Variants in GKAP1 observed in about 807,000 individuals in gnomAD.
GKAP1 encodes G kinase-anchoring protein 1.
GKAP1 carries 31 observed loss-of-function variants against 56.7 expected under a neutral mutation model. The observed-to-expected ratio is 0.55, with a 90% CI of 0.41 to 0.74. The LOEUF (loss-of-function observed/expected upper bound fraction) is 0.74, where lower values mean the gene tolerates loss of function less well. Ranked by LOEUF, GKAP1 falls within the 30% of genes least tolerant of loss-of-function variation. The probability of loss-of-function intolerance (pLI) is 0.00; values close to 1 mark genes in which losing one functional copy is unlikely to be tolerated. For synonymous variants in GKAP1, 151 were observed against 138.6 expected, an observed-to-expected ratio of 1.09 and a Z score of -0.63; for missense variants, 364 against 402.3, an observed-to-expected ratio of 0.90 and a Z score of 0.82.
intron 4 of GKAP1, among the ~76,000 whole-genome samples, chr9:83,791,567 A>G (rs1419169795): frequency 6.6e-6 from 1 of 152,240 alleles, no homozygotes; most frequent in Non-Finnish European, 1.5e-5. Flanking sequence ...TTAAATTTAA[A>G]TTTTTGAAAA....
chr9:83,809,601 A>G (rs1944481143), intron 2 of GKAP1, among the ~76,000 whole-genome samples: 2 of 152,256 alleles, frequency 1.3e-5, no homozygotes, highest in Admixed American at 1.3e-4. Flanking sequence ...CTAGTGAGCA[A>G]GGTTTCCTTA....
rs753727864 is a variant in GKAP1, at chr9:83,739,764, T to C, written c.1054-20A>G. On this transcript the variant is annotated intron_variant, in intron 12 of 12. Transcript: ENST00000376371. ...GCCACCCTGTAAAAAAAAAAAAAAA[T>C]AGGGAAAATTATTTACAACATACCA... 2.2e-6 allele frequency: 3 copies of C among 1,344,146 alleles called. No homozygotes were observed. The highest frequency in any genetic ancestry group is 1.9e-5 in the Admixed American group (1 of 51,480). 83.3% of individuals were successfully genotyped at this position (1,344,146 alleles called of 1,614,324 possible). A position where few individuals can be genotyped will look rare whatever the true frequency, so the allele number is the denominator to read the frequency against.
intron 7 of GKAP1, among the ~76,000 whole-genome samples, chr9:83,771,632 C>G (rs1943763608): frequency 6.6e-6 from 1 of 152,120 alleles, no homozygotes; most frequent in Non-Finnish European, 1.5e-5. Flanking sequence ...AGTTGATGAG[C>G]AAGTATTATT....
intron 4 of GKAP1, among the ~76,000 whole-genome samples, chr9:83,795,306 G>A (rs1944226633): frequency 6.6e-6 from 1 of 151,552 alleles, no homozygotes; most frequent in South Asian, 2.1e-4. Context: ...TTTCAATTAA[G>A]AAACATACAC....
chr9:83,763,369 T>C (rs1943607313), intron 8 of GKAP1, among the ~76,000 whole-genome samples: 1 of 152,164 alleles, frequency 6.6e-6, no homozygotes, highest in South Asian at 2.1e-4. Context: ...ACCTAGTATT[T>C]GATAGCACAA....
At chr9:83,815,482 G>A (rs977524094) in intron 2 of GKAP1, among the ~76,000 whole-genome samples, 1 of 151,708 alleles carries the variant, frequency 6.6e-6, no homozygotes, top group Non-Finnish European at 1.5e-5. Context: ...TTGCCATTAT[G>A]ACCTTATCCC....
chr9:83,748,119 T>C (rs1026311080), intron 10 of GKAP1, among the ~76,000 whole-genome samples, 190 bp downstream of exon 10: 2 of 152,212 alleles, frequency 1.3e-5, no homozygotes, highest in African/African-American at 4.8e-5. Context: ...CATTTATCAT[T>C]TCTTTGTGTT....
chr9:83,788,534 G>A lies in GKAP1; in HGVS notation c.438+67C>T, dbSNP rs1944101810. On this transcript the variant is annotated intron_variant, in intron 5 of 12. Coordinates refer to ENST00000376371, the MANE Select transcript of GKAP1 (RefSeq NM_025211.4). ...CAGAAAAATTTTATGTAAAATTCAA[G>A]TAGGTTGATTTTAACCTCTCACCAC... The A allele has an allele frequency of 4.7e-6, 4 of 853,054 alleles. 1 individual carries two copies. The South Asian group carries it at 5.2e-5, about 11-fold the overall frequency. 52.8% of individuals were successfully genotyped at this position (853,054 alleles called of 1,614,324 possible).
intron 7 of GKAP1, among the ~76,000 whole-genome samples, chr9:83,776,343 A>G (rs1385096087): frequency 2.0e-5 from 3 of 152,236 alleles, no homozygotes; most frequent in African/African-American, 7.2e-5. Context: ...AGATTTATTT[A>G]AAGCTAGATT....
chr9:83,793,535 TGTC>T (rs1346718956), intron 4 of GKAP1, among the ~76,000 whole-genome samples: 16 of 152,256 alleles, frequency 1.1e-4, no homozygotes, highest in African/African-American at 3.9e-4. Flanking sequence ...TGTATTTTTA[TGTC>T]TTCTGAGTGC....
intron 9 of GKAP1, among the ~76,000 whole-genome samples, chr9:83,752,227 C>A (rs1049711182): frequency 4.6e-5 from 7 of 152,104 alleles, no homozygotes; most frequent in Admixed American, 1.3e-4. Flanking sequence ...CATAGTGAAA[C>A]CCCGTCTCTA....
At chr9:83,740,709 A>G (rs1009587007) in intron 12 of GKAP1, among the ~76,000 whole-genome samples, 3 of 152,150 alleles carry the variant, frequency 2.0e-5, no homozygotes, top group African/African-American at 7.2e-5. Flanking sequence ...AAGTGATTCC[A>G]ATGATCAGCC....
At chr9:83,765,883 T>G (rs1943655128) in intron 8 of GKAP1, among the ~76,000 whole-genome samples, 1 of 152,192 alleles carries the variant, frequency 6.6e-6, no homozygotes, top group Admixed American at 6.5e-5. Context: ...CAGATGAAAC[T>G]TTAGACTTGG....
rs550375046 is a variant in GKAP1, at chr9:83,804,440, G to A, written c.216+1862C>T. On this transcript the variant is annotated intron_variant, in intron 3 of 12. Transcript: ENST00000376371. ...CCCGGCCAGCCACCCCGTCCGGGAG[G>A]TGAGGGGCGCCTCTGCCCGGCCACC... Among the ~76,000 whole-genome samples, 9 of 138,998 alleles carry A rather than the reference G, an allele frequency of 6.5e-5. No individual in the cohort carries two copies. In the East Asian group the frequency reaches 2.1e-3, roughly 32 times the overall value. 91.2% of individuals were successfully genotyped at this position (138,998 alleles called of 152,430 possible).
At chr9:83,809,864 G>A (rs1312110250) in intron 2 of GKAP1, among the ~76,000 whole-genome samples, 1 of 152,234 alleles carries the variant, frequency 6.6e-6, no homozygotes, top group Admixed American at 6.5e-5. Flanking sequence ...CTGGATTGCA[G>A]TAACATGATT....
chr9:83,749,116 A>G (rs1039292802), intron 9 of GKAP1: 5 of 152,312 alleles, frequency 3.3e-5, no homozygotes, highest in African/African-American at 1.2e-4. Flanking sequence ...TACATTTATG[A>G]ACAAAAAGGA....
rs774345153 is a variant in GKAP1 at position 83,741,978 on chromosome 9, A to G, written c.1027T>C (p.Leu343=). The change falls in exon 12 of 13, where the codon TTA becomes CTA. Residue 343 remains leucine (L), a synonymous_variant. Coordinates refer to ENST00000376371, the MANE Select transcript of GKAP1 (RefSeq NM_025211.4). ...LEQERSKVKV[L]QAELAKYQGG... is the part of the protein sequence containing the mutation. The stretch of plus-strand genomic sequence containing the variant: ...TGGTATTTGGCTAACTCTGCTTGTA[A>G]TACTTTCACTTTAGATCTTTCTTGT... The G allele has an allele frequency of 7.5e-6, 12 of 1,593,436 alleles. No homozygotes were observed. Among genetic ancestry groups the G allele is most frequent in the Non-Finnish European group, 9.4e-6 (11 of 1,171,680 alleles).
chr9:83,813,825 C>G (rs1324222731), intron 2 of GKAP1, among the ~76,000 whole-genome samples: 1 of 152,180 alleles, frequency 6.6e-6, no homozygotes, highest in Admixed American at 6.5e-5. Flanking sequence ...GCAGGCCACA[C>G]ATGGTGGTTC....
intron 8 of GKAP1, among the ~76,000 whole-genome samples, chr9:83,755,268 T>C (rs76528958): frequency 0.01 from 1,530 of 152,268 alleles, 24 homozygotes; most frequent in African/African-American, 0.035. Context: ...AGGTTAAATA[T>C]ATAGTAAATT....
Sources: gnomAD v4.1 joint callset for allele counts (sites outside exome capture counted in the v4.1 genomes callset) on GRCh38, gnomAD v4.1.1 for gene constraint, MANE v1.5 for transcripts, NCBI Gene and HGNC (gene_info 2026-07-23, HGNC 2026-07-21) for gene names.